OSBPL9: variants seen among roughly 807,000 people sequenced by gnomAD.
OSBPL9 encodes the protein oxysterol binding protein like 9.
A neutral mutation model predicts 106.6 loss-of-function variants in OSBPL9; 40 were observed. The ratio of observed to expected loss-of-function variants is 0.38; its 90% confidence interval spans 0.29 to 0.49. OSBPL9 has a LOEUF of 0.49. OSBPL9 is among the 20% of genes least tolerant of loss of function. The pLI is 0.97. For synonymous variants in OSBPL9, 269 were observed against 295.4 expected, an observed-to-expected ratio of 0.91 and a Z score of 0.92; for missense variants, 609 against 887.2, an observed-to-expected ratio of 0.69 and a Z score of 3.98.
chr1:51,590,017 T>C (rs1160265722), intron 1 of OSBPL9, among the ~76,000 whole-genome samples: 3 of 114,888 alleles, frequency 2.6e-5, no homozygotes, highest in Non-Finnish European at 5.1e-5. Flanking sequence ...CAGGGAACAG[T>C]GTGAGACTCC....
At chr1:51,519,415 C>A in the OSBPL9 span, 2 of 208,372 alleles carry the variant, frequency 9.6e-6, 1 homozygote, top group Non-Finnish European at 2.0e-5. Context: ...TGCCCGCCCG[C>A]CGGAGCCGGC....
intron 1 of OSBPL9, among the ~76,000 whole-genome samples, chr1:51,623,766 G>A (rs1209176088): frequency 2.0e-5 from 3 of 152,138 alleles, no homozygotes; most frequent in African/African-American, 7.2e-5. Flanking sequence ...TAGCTTAAAT[G>A]TATATATTTC....
intron 3 of OSBPL9, among the ~76,000 whole-genome samples, chr1:51,679,631 T>G (rs1223678881): frequency 6.6e-6 from 1 of 152,240 alleles, no homozygotes; most frequent in African/African-American, 2.4e-5. Flanking sequence ...TGCACACTCT[T>G]CTGCTCCATC....
the OSBPL9 span, among the ~76,000 whole-genome samples, chr1:51,562,494 T>G: frequency 6.6e-6 from 1 of 152,180 alleles, no homozygotes; most frequent in African/African-American, 2.4e-5. Context: ...AGGTATTTCT[T>G]TATAGCAATG....
chr1:51,627,875 G>A (rs1260984591), intron 1 of OSBPL9, among the ~76,000 whole-genome samples: 1 of 152,132 alleles, frequency 6.6e-6, no homozygotes, highest in South Asian at 2.1e-4. Context: ...GGTCCCCAGT[G>A]ATAGCTTTGT....
chr1:51,525,853 G>T, the OSBPL9 span, among the ~76,000 whole-genome samples: 22 of 152,082 alleles, frequency 1.4e-4, no homozygotes, highest in Non-Finnish European at 2.8e-4. Context: ...GGGCTTAAGC[G>T]ATCCTCTTGC....
rs910393670 is a variant in OSBPL9, at chr1:51,788,633, T to A, written c.*844T>A. 6.6e-6 allele frequency among the ~76,000 whole-genome samples: 1 copy of A among 152,118 alleles called. No individual in the cohort carries two copies. The highest frequency in any genetic ancestry group is 1.5e-5 in the Non-Finnish European group (1 of 68,016). On this transcript the variant is annotated 3_prime_UTR_variant, in exon 24 of 24. Transcript: ENST00000428468. Reference sequence around the variant, plus strand: ...CTGTCTTTAGCCCCTGCCAGGCAATTCCCCAGAATCTTCACTTAACTCATA... The same window carrying A: ...CTGTCTTTAGCCCCTGCCAGGCAATACCCCAGAATCTTCACTTAACTCATA...
At chr1:51,736,298 T>C (rs1249494313) in intron 4 of OSBPL9, among the ~76,000 whole-genome samples, 1 of 152,186 alleles carries the variant, frequency 6.6e-6, no homozygotes, top group East Asian at 1.9e-4. Flanking sequence ...CTGGTACTCA[T>C]TGGCAGCTAA....
chr1:51,648,685 C>T (rs898233829), intron 1 of OSBPL9, among the ~76,000 whole-genome samples: 20 of 152,242 alleles, frequency 1.3e-4, no homozygotes, highest in South Asian at 6.2e-4. Context: ...AATGATTTGC[C>T]GGACAGGCAT....
chr1:51,769,426 A>G (rs1290531836), intron 12 of OSBPL9, among the ~76,000 whole-genome samples: 1 of 152,190 alleles, frequency 6.6e-6, no homozygotes, highest in African/African-American at 2.4e-5. Context: ...AAATGGCTCC[A>G]CTACTCACCA....
chr1:51,670,581 C>G (rs1649639891), intron 3 of OSBPL9, among the ~76,000 whole-genome samples: 1 of 152,166 alleles, frequency 6.6e-6, no homozygotes, highest in South Asian at 2.1e-4. Context: ...ATGAAAGATG[C>G]AGGTTATATT....
At chr1:51,746,036 A>C (rs1008011540) in intron 5 of OSBPL9, among the ~76,000 whole-genome samples, 1 of 152,094 alleles carries the variant, frequency 6.6e-6, no homozygotes, top group Non-Finnish European at 1.5e-5. Flanking sequence ...ATCTCAGCTC[A>C]CTGCAACCTC....
intron 15 of OSBPL9, among the ~76,000 whole-genome samples, chr1:51,780,839 A>G (rs1676209806): frequency 2.0e-5 from 3 of 152,186 alleles, no homozygotes; most frequent in Admixed American, 2.0e-4. Context: ...ATAAAAGACT[A>G]CACATTGGAT....
chr1:51,550,555 C>T, the OSBPL9 span, among the ~76,000 whole-genome samples: 1 of 152,176 alleles, frequency 6.6e-6, no homozygotes, highest in South Asian at 2.1e-4. Context: ...CTCTGTTACC[C>T]AGGCTGGAGT....
chr1:51,692,392 A>G (rs1324850782), intron 3 of OSBPL9, among the ~76,000 whole-genome samples: 1 of 150,066 alleles, frequency 6.7e-6, no homozygotes, highest in Admixed American at 6.6e-5. Context: ...GTCATTTATT[A>G]TCATTATCAA....
chr1:51,739,852 A>G (rs1319108170), intron 4 of OSBPL9, among the ~76,000 whole-genome samples: 1 of 152,012 alleles, frequency 6.6e-6, no homozygotes, highest in African/African-American at 2.4e-5. Context: ...ATCATGGTAT[A>G]AGTAATATTT....
At chr1:51,639,127 C>T (rs145402162) in intron 1 of OSBPL9, among the ~76,000 whole-genome samples, 2 of 152,290 alleles carry the variant, frequency 1.3e-5, no homozygotes, top group Non-Finnish European at 2.9e-5. Context: ...TGAGTCTTTG[C>T]ATTTATTTAC....
intron 14 of OSBPL9, among the ~76,000 whole-genome samples, chr1:51,773,600 T>A (rs1674407701): frequency 1.3e-5 from 2 of 152,254 alleles, no homozygotes; most frequent in Admixed American, 1.3e-4. Context: ...TTAACTTTCA[T>A]ATTGATTATT....
At chr1:51,528,325 C>T in the OSBPL9 span, among the ~76,000 whole-genome samples, 4 of 152,200 alleles carry the variant, frequency 2.6e-5, no homozygotes, top group African/African-American at 9.6e-5. Context: ...AGCAAAGTTG[C>T]AAGATACAAC....
Sources: gnomAD v4.1 joint callset for allele counts (sites outside exome capture counted in the v4.1 genomes callset) on GRCh38, gnomAD v4.1.1 for gene constraint, MANE v1.5 for transcripts, NCBI Gene and HGNC (gene_info 2026-07-23, HGNC 2026-07-21) for gene names.